ME1: variants seen among roughly 807,000 people sequenced by gnomAD.
ME1 encodes the protein malic enzyme 1.
A neutral mutation model predicts 66.4 loss-of-function variants in ME1; 74 were observed. The observed-to-expected ratio is 1.11, with a 90% CI of 0.92 to 1.35. The LOEUF is 1.35. Among genes scored for constraint, ME1 ranks in the 40% most tolerant of loss-of-function variants. The pLI, the probability that ME1 is intolerant of heterozygous loss-of-function variation, is 0.00. For synonymous variants in ME1, 251 were observed against 235.6 expected (o/e 1.07, Z -0.60); for missense variants, 750 against 694.1 (o/e 1.08, Z -0.90).
chr6:83,328,850 T>C (rs1234313914), intron 5 of ME1, among the ~76,000 whole-genome samples: 6 of 151,518 alleles, frequency 4.0e-5, no homozygotes, highest in Non-Finnish European at 7.4e-5. Flanking sequence ...TTTACAAGCC[T>C]GAGAAAAGGA....
At chr6:83,355,594 G>T (rs747571240) in intron 3 of ME1, among the ~76,000 whole-genome samples, 1 of 152,038 alleles carries the variant, frequency 6.6e-6, no homozygotes, top group Non-Finnish European at 1.5e-5. Flanking sequence ...AACAAATAAA[G>T]GACCGGTAAC....
intron 6 of ME1, among the ~76,000 whole-genome samples, chr6:83,262,067 A>G (rs181621435): frequency 6.6e-6 from 1 of 152,214 alleles, no homozygotes. Flanking sequence ...GGAGGCATAC[A>G]TGAAAAGAGA....
intron 10 of ME1, among the ~76,000 whole-genome samples, chr6:83,228,169 T>C (rs1360239548): frequency 6.6e-6 from 1 of 152,206 alleles, no homozygotes; most frequent in East Asian, 1.9e-4. Context: ...TAAAGTTTCA[T>C]AAATTCCTTT....
At chr6:83,285,783 A>G (rs1451963401) in intron 6 of ME1, among the ~76,000 whole-genome samples, 4 of 152,190 alleles carry the variant, frequency 2.6e-5, no homozygotes, top group East Asian at 3.8e-4. Context: ...CACATTTCCT[A>G]TTTGTTTGAA....
At chr6:83,360,254 C>G (rs182858194) in intron 3 of ME1, among the ~76,000 whole-genome samples, 132 of 152,272 alleles carry the variant, frequency 8.7e-4, no homozygotes, top group African/African-American at 3.1e-3. Context: ...TCCCACCCTT[C>G]CCCAAGGAGA....
chr6:83,234,549 A>G (rs1344390434), intron 9 of ME1, among the ~76,000 whole-genome samples: 1 of 151,950 alleles, frequency 6.6e-6, no homozygotes, highest in African/African-American at 2.4e-5. Flanking sequence ...ACTCCACCCT[A>G]TTCCTCCTTC....
chr6:83,308,723 A>T (rs543741025), intron 6 of ME1, among the ~76,000 whole-genome samples: 1 of 151,328 alleles, frequency 6.6e-6, no homozygotes, highest in Non-Finnish European at 1.5e-5. Context: ...GCAGTGGAGG[A>T]AAAAGAAAAC....
At chr6:83,310,095 T>A (rs936145188) in intron 6 of ME1, among the ~76,000 whole-genome samples, 3 of 152,126 alleles carry the variant, frequency 2.0e-5, no homozygotes, top group Non-Finnish European at 4.4e-5. Context: ...ATCAATACTT[T>A]CTGAATTGAG....
At chr6:83,319,293 T>TA (rs1215306533) in intron 5 of ME1, among the ~76,000 whole-genome samples, 1 of 148,472 alleles carries the variant, frequency 6.7e-6, no homozygotes, top group Admixed American at 6.7e-5. Context: ...CCCTAAAACT[T>TA]AAAGTATAAT....
At chr6:83,417,971 C>T (rs1235028217) in intron 1 of ME1, among the ~76,000 whole-genome samples, 1 of 152,166 alleles carries the variant, frequency 6.6e-6, no homozygotes, top group Admixed American at 6.5e-5. Context: ...AACTTTCCAA[C>T]TTTTGTGCCT....
intron 5 of ME1, among the ~76,000 whole-genome samples, chr6:83,315,887 A>G (rs892372873): frequency 1.3e-5 from 2 of 152,098 alleles, no homozygotes; most frequent in Non-Finnish European, 2.9e-5. Flanking sequence ...ACAGAAGGAG[A>G]CTCTGCTGCA....
At chr6:83,317,385 T>C (rs927047539) in intron 5 of ME1, among the ~76,000 whole-genome samples, 4 of 151,950 alleles carry the variant, frequency 2.6e-5, no homozygotes, top group African/African-American at 7.3e-5. Context: ...TTCACATCCC[T>C]TGTAAGTTGG....
intron 1 of ME1, among the ~76,000 whole-genome samples, chr6:83,412,801 A>G (rs918258943): frequency 2.6e-5 from 4 of 152,222 alleles, no homozygotes; most frequent in African/African-American, 9.6e-5. Flanking sequence ...ATAGAAAAAG[A>G]TCAGTAGTTG....
At chr6:83,246,889 T>A (rs1350784473) in intron 7 of ME1, among the ~76,000 whole-genome samples, 1 of 152,142 alleles carries the variant, frequency 6.6e-6, no homozygotes, top group Non-Finnish European at 1.5e-5. Flanking sequence ...ACAAAAATCT[T>A]TGCTAGCTTG....
rs533363193 is a variant in ME1, at chr6:83,286,250, C to A, written c.704+29060G>T. On this transcript the variant is annotated intron_variant, in intron 6 of 13. Transcript: ENST00000369705. ...AATTAAGATAAATAATTGTAAGTAT[C>A]TCATAGTTGTTTTGAGAATAAAAAT... is the stretch of plus-strand genomic sequence containing the variant. 2.0e-4 allele frequency among the ~76,000 whole-genome samples: 31 copies of A among 152,142 alleles called. No individual in the cohort carries two copies. The South Asian group carries it at 4.6e-3, about 22-fold the overall frequency.
At chr6:83,245,154 G>A (rs984597143) in intron 7 of ME1, among the ~76,000 whole-genome samples, 1 of 151,988 alleles carries the variant, frequency 6.6e-6, no homozygotes, top group African/African-American at 2.4e-5. Flanking sequence ...GAGATGGGGT[G>A]GGAGGGAAAC....
At chr6:83,226,543 A>G (rs1790201316) in intron 11 of ME1, among the ~76,000 whole-genome samples, 2 of 152,108 alleles carry the variant, frequency 1.3e-5, no homozygotes. Context: ...CCCAAATAAG[A>G]GAGATAAACA....
chr6:83,271,111 C>G (rs6928092), intron 6 of ME1, among the ~76,000 whole-genome samples: 1 of 151,796 alleles, frequency 6.6e-6, no homozygotes, highest in Non-Finnish European at 1.5e-5. Flanking sequence ...ATGAAAAGGT[C>G]TCAAGACGAA....
At chr6:83,288,593 C>T (rs567251450) in intron 6 of ME1, among the ~76,000 whole-genome samples, 19 of 152,228 alleles carry the variant, frequency 1.2e-4, no homozygotes, top group African/African-American at 4.3e-4. Flanking sequence ...TAGTGTGATG[C>T]CTCCAGCTTT....
Sources: allele counts gnomAD v4.1 joint callset (sites outside exome capture counted in the v4.1 genomes callset), GRCh38; gene constraint gnomAD v4.1.1; transcripts MANE v1.5; gene names NCBI Gene and HGNC (gene_info 2026-07-23, HGNC 2026-07-21).